The following CDH13 variants were observed in gnomAD, a reference collection of about 807,000 sequenced individuals.
The protein encoded by CDH13 is cadherin-13.
Under a neutral mutation model 63.8 loss-of-function variants are expected in CDH13, and 24 were observed. The observed-to-expected ratio is 0.38, with a 90% CI of 0.27 to 0.53. CDH13 has a LOEUF of 0.53. Ranked by LOEUF, CDH13 falls within the 20% of genes least tolerant of loss-of-function variation. The pLI is 0.85. For missense variants in CDH13, 1,049 were observed against 903.1 expected, an observed-to-expected ratio of 1.16 and a Z score of -2.07; for synonymous variants, 503 against 355.3, an observed-to-expected ratio of 1.42 and a Z score of -4.67.
At chr16:82,823,363 TA>T (rs2038095727) in intron 1 of CDH13, 1 of 151,932 alleles carries the variant, frequency 6.6e-6, no homozygotes, top group African/African-American at 2.4e-5. Flanking sequence ...CTGACGCAGT[TA>T]CCTAAAGTGA....
chr16:82,707,611 G>A (rs1172329747), intron 1 of CDH13, among the ~76,000 whole-genome samples: 3 of 152,226 alleles, frequency 2.0e-5, no homozygotes, highest in Non-Finnish European at 4.4e-5. Flanking sequence ...CAGAGGGTGT[G>A]TGGATTCTGA....
intron 2 of CDH13, 90 bp from the exon 3 acceptor site, chr16:83,031,920 T>C (rs1186485512): frequency 3.0e-6 from 3 of 995,870 alleles, no homozygotes; most frequent in African/African-American, 3.2e-5. Flanking sequence ...GGAAACTATG[T>C]GGTAATTCAC....
At position 82,974,603 on chromosome 16, in the gene CDH13, G is replaced by C. The variant is rs371565305; in HGVS notation, c.158-57407G>C. Among the ~76,000 whole-genome samples the C allele has an allele frequency of 6.6e-5, 10 of 152,234 alleles. No homozygotes were observed. In the East Asian group the frequency reaches 1.9e-3, roughly 29 times the overall value. On this transcript the variant is annotated intron_variant, in intron 2 of 13. Coordinates refer to ENST00000567109, the MANE Select transcript of CDH13 (RefSeq NM_001257.5). ...CAGATGTAATTAGATTAAAATTTTT[G>C]AGATTGAGAGATCATGTTGGACGAT...
At chr16:83,423,188 A>G (rs879402681) in intron 6 of CDH13, among the ~76,000 whole-genome samples, 2 of 152,172 alleles carry the variant, frequency 1.3e-5, no homozygotes, top group African/African-American at 2.4e-5. Context: ...TTCTTTATTG[A>G]TGAGCACAGT....
At chr16:83,075,511 A>G (rs1370270587) in intron 3 of CDH13, among the ~76,000 whole-genome samples, 3 of 152,162 alleles carry the variant, frequency 2.0e-5, no homozygotes, top group Admixed American at 6.5e-5. Flanking sequence ...TGTGGATGCA[A>G]AGGGAACAGG....
intron 6 of CDH13, among the ~76,000 whole-genome samples, chr16:83,413,902 A>G (rs1446057476): frequency 6.6e-6 from 1 of 152,088 alleles, no homozygotes. Flanking sequence ...CAAGGCAGAA[A>G]AATTGCTTGA....
At chr16:82,743,419 G>A (rs897271008) in intron 1 of CDH13, among the ~76,000 whole-genome samples, 3 of 152,094 alleles carry the variant, frequency 2.0e-5, no homozygotes, top group Non-Finnish European at 4.4e-5. Context: ...TGTAGTGACA[G>A]GGTCTCACCG....
intron 6 of CDH13, among the ~76,000 whole-genome samples, chr16:83,481,533 A>T (rs1445162441): frequency 1.3e-5 from 2 of 152,182 alleles, no homozygotes; most frequent in African/African-American, 4.8e-5. Context: ...ACTTGCTTTA[A>T]TGAGAGAGCT....
intron 1 of CDH13, among the ~76,000 whole-genome samples, chr16:82,782,678 G>A (rs2035817883): frequency 6.6e-6 from 1 of 152,190 alleles, no homozygotes; most frequent in South Asian, 2.1e-4. Flanking sequence ...ACTTAATTAT[G>A]CATCTTGACA....
intron 7 of CDH13, among the ~76,000 whole-genome samples, chr16:83,552,304 C>G (rs1362682520): frequency 6.6e-6 from 1 of 152,132 alleles, no homozygotes; most frequent in African/African-American, 2.4e-5. Flanking sequence ...AGGCCAGAAC[C>G]CAGCTGCTTA....
intron 2 of CDH13, among the ~76,000 whole-genome samples, chr16:82,911,772 C>T (rs1012268149): frequency 5.9e-5 from 9 of 152,108 alleles, no homozygotes; most frequent in African/African-American, 2.2e-4. Context: ...CTAGGTCCCT[C>T]ACACCTATGC....
At position 83,305,223 on chromosome 16, in the gene CDH13, G is replaced by A. The variant is rs117396786; in HGVS notation, c.637-39639G>A. Among the ~76,000 whole-genome samples the A allele has an allele frequency of 2.6e-5, 4 of 152,300 alleles. No individual in the cohort carries two copies. The East Asian group carries it at 7.7e-4, about 29-fold the overall frequency. On this transcript the variant is annotated intron_variant, in intron 5 of 13. Coordinates refer to ENST00000567109, the MANE Select transcript of CDH13 (RefSeq NM_001257.5). Reference sequence around the variant, plus strand: ...TGTAGGCATCCTCATTTCAGTGTCAGAAGGACTGTCCTGCTGTTGATGACT... The same window carrying A: ...TGTAGGCATCCTCATTTCAGTGTCAAAAGGACTGTCCTGCTGTTGATGACT...
chr16:83,032,651 C>G (rs116210769), intron 3 of CDH13, among the ~76,000 whole-genome samples: 1 of 152,138 alleles, frequency 6.6e-6, no homozygotes, highest in Non-Finnish European at 1.5e-5. Flanking sequence ...ACGATGCTAG[C>G]AAAACCTTGG....
At chr16:83,169,499 AT>A (rs2037831364) in intron 4 of CDH13, among the ~76,000 whole-genome samples, 1 of 151,798 alleles carries the variant, frequency 6.6e-6, no homozygotes, top group South Asian at 2.1e-4. Context: ...GGCCACTTTG[AT>A]TGATGAAAAT....
At chr16:82,696,901 A>G (rs570171321) in intron 1 of CDH13, among the ~76,000 whole-genome samples, 1 of 152,300 alleles carries the variant, frequency 6.6e-6, no homozygotes, top group Non-Finnish European at 1.5e-5. Context: ...CTGCTTTCAA[A>G]GTGGCACCCT....
chr16:83,009,661 T>A (rs796827103), intron 2 of CDH13, among the ~76,000 whole-genome samples: 31 of 152,320 alleles, frequency 2.0e-4, no homozygotes, highest in African/African-American at 6.3e-4. Flanking sequence ...TTTAAAAAAT[T>A]GTATCTATTA....
At chr16:83,671,134 C>T (rs930641705) in intron 9 of CDH13, among the ~76,000 whole-genome samples, 162 bp downstream of exon 9, 12 of 152,142 alleles carry the variant, frequency 7.9e-5, no homozygotes, top group Admixed American at 3.3e-4. Flanking sequence ...AGGGTGCACT[C>T]GTATCCTCAG....
At chr16:83,343,404 C>G (rs548062950) in intron 5 of CDH13, among the ~76,000 whole-genome samples, 4 of 152,230 alleles carry the variant, frequency 2.6e-5, no homozygotes, top group Admixed American at 6.5e-5. Context: ...CAGGCAGATG[C>G]CAGTGTAATT....
At chr16:83,131,875 GA>G (rs936572165) in intron 4 of CDH13, among the ~76,000 whole-genome samples, 3 of 152,172 alleles carry the variant, frequency 2.0e-5, no homozygotes, top group Admixed American at 6.5e-5. Context: ...TTTGTAAAGG[GA>G]ATCAACATTG....
Sources: allele counts gnomAD v4.1 joint callset (sites outside exome capture counted in the v4.1 genomes callset), GRCh38; gene constraint gnomAD v4.1.1; transcripts MANE v1.5; gene names NCBI Gene and HGNC (gene_info 2026-07-23, HGNC 2026-07-21).